Variants in TP53BP2 observed in about 807,000 individuals in gnomAD.
TP53BP2 encodes the protein apoptosis-stimulating of p53 protein 2.
In TP53BP2, 62 loss-of-function variants were observed where a neutral mutation model predicts 126.2. The ratio of observed to expected loss-of-function variants is 0.49; its 90% CI spans 0.40 to 0.61. The LOEUF is 0.61. Among genes scored for constraint, TP53BP2 ranks in the 20% least tolerant of loss-of-function variants. The pLI is 0.00. For synonymous variants in TP53BP2, 485 were observed against 502.9 expected (o/e 0.96, Z 0.48); for missense variants, 1,215 against 1,402.8 (o/e 0.87, Z 2.14).
Position 223,796,051 on chromosome 1 carries a change from G to T in TP53BP2, c.2488C>A (p.Pro830Thr). ...TAATCAAGGCCTGGAGAAGGAGCTGGCATGTCACTGTTCTCTGTACTGGCA... is the reference window on the plus strand; with the variant it reads ...TAATCAAGGCCTGGAGAAGGAGCTGTCATGTCACTGTTCTCTGTACTGGCA... ...GNASTENSDM[P>T]APSPGLDYEP... The change falls in exon 13 of 18, where the codon CCA becomes ACA. Residue 830 changes from proline to threonine, a missense_variant. By Grantham distance (38) the Pro-to-Thr change is conservative. Around this residue, in one of 4 missense-constraint regions of TP53BP2, gnomAD observed 204 missense variants for 225.7 expected, o/e 0.90. Transcript: ENST00000343537. This position sits in a 1 kb window ranked among gnomAD's most constrained non-coding sequence, Gnocchi z 4.2. 2 of 1,614,184 alleles carry T rather than the reference G, an allele frequency of 1.2e-6. No individual in the cohort carries two copies. Among genetic ancestry groups the T allele is most frequent in the South Asian group, 1.1e-5 (1 of 91,074 alleles).
chr1:223,785,921 G>C (rs1357915255), intron 16 of TP53BP2, among the ~76,000 whole-genome samples: 1 of 152,046 alleles, frequency 6.6e-6, no homozygotes, highest in Non-Finnish European at 1.5e-5. Context: ...CTGTGACCTG[G>C]CAAGTCCACT....
rs146024936 is a variant in TP53BP2 at position 223,795,836 on chromosome 1, G to A, written c.2703C>T (p.Thr901=). The change falls in exon 13 of 18, where the codon ACC becomes ACT. Residue 901 remains threonine (T), a synonymous_variant. Transcript: ENST00000343537. ...TTACAGGAGGCAGAGAGACCTGCCC[G>A]GTGATTTCAGGCGGGCGCATGCTCA... ...DSVSMRPPEI[T]GQVSLPPGKR... 1,205 of 1,555,114 alleles carry A rather than the reference G, an allele frequency of 7.7e-4. 7 individuals carry two copies. Among genetic ancestry groups the A allele is most frequent in the Admixed American group, 2.5e-3 (125 of 49,750 alleles).
rs764894026 is a variant in TP53BP2 at position 223,798,297 on chromosome 1, C to T, written c.1866G>A (p.Gln622=). The T allele has an allele frequency of 2.6e-5, 42 of 1,614,086 alleles. No individual in the cohort carries two copies. Among genetic ancestry groups the T allele is most frequent in the Non-Finnish European group, 4.2e-6 (5 of 1,180,038 alleles). ...ASSIYSMYTQ[Q]QAPGKNFQQA... ...GCTGGAAGTTTTTTCCTGGCGCCTG[C>T]TGTTGCGTATACATGGAATATATTG... Residue 622 remains glutamine, a synonymous_variant, in exon 12 of 18, where the codon CAG becomes CAA. Transcript: ENST00000343537.
intron 15 of TP53BP2, among the ~76,000 whole-genome samples, chr1:223,790,189 G>A (rs1440086593): frequency 1.3e-5 from 2 of 151,902 alleles, no homozygotes; most frequent in Non-Finnish European, 2.9e-5. Flanking sequence ...ACAGGAGGTG[G>A]AGGTTGCAGT....
chr1:223,801,991 G>T (rs1662540592), intron 9 of TP53BP2, 125 bp downstream of exon 9: 3 of 963,196 alleles, frequency 3.1e-6, no homozygotes, highest in Admixed American at 5.6e-5. Flanking sequence ...CACCAGCAAA[G>T]AATATAAAAG....
At chr1:223,795,051 C>T (rs1662270835) in intron 13 of TP53BP2, among the ~76,000 whole-genome samples, 1 of 152,182 alleles carries the variant, frequency 6.6e-6, no homozygotes, top group Non-Finnish European at 1.5e-5. Flanking sequence ...AAAAAGCAGA[C>T]TTCATTCAGA....
chr1:223,800,010 C>A lies in TP53BP2; in HGVS notation c.1374G>T (p.Lys458Asn). 1.2e-6 allele frequency: 2 copies of A among 1,611,958 alleles called. No homozygotes were observed. The highest frequency in any genetic ancestry group is 1.7e-6 in the Non-Finnish European group (2 of 1,179,306). Residue 458 changes from lysine to asparagine, a missense_variant, in exon 11 of 18, where the codon AAG (lysine) becomes AAT (asparagine). Coordinates refer to ENST00000343537, the MANE Select transcript of TP53BP2 (RefSeq NM_001031685.3). Reference protein sequence around the residue: ...DGEVPLREKEKKVRPFSMFDA... With the variant: ...DGEVPLREKENKVRPFSMFDA... The stretch of plus-strand genomic sequence containing the variant: ...CAAACATTGAGAACGGACGCACTTT[C>A]TTCTCTTTCTCCCTCAGCGGAACCT...
intron 1 of TP53BP2, among the ~76,000 whole-genome samples, chr1:223,825,546 C>T (rs921386171): frequency 2.6e-5 from 4 of 152,166 alleles, no homozygotes; most frequent in Non-Finnish European, 5.9e-5. Context: ...TGGCATGTAG[C>T]GTGTAGCACA....
At position 223,845,816 on chromosome 1, in the gene TP53BP2, G is replaced by T. The variant is rs1486469037; in HGVS notation, c.-136C>A. ...CGGCGGCGGCAGCGGCGGCGCGCGG[G>T]TCCGAAGGGCCCTCCGCGCGGGCTG... On this transcript the variant is annotated 5_prime_UTR_variant, in exon 1 of 18. Transcript: ENST00000343537. 1 of 735,174 alleles carries T rather than the reference G, an allele frequency of 1.4e-6. No individual in the cohort carries two copies. Among genetic ancestry groups the T allele is most frequent in the Non-Finnish European group, 1.8e-6 (1 of 550,594 alleles). The allele number at this position is 735,174 out of a possible 1,614,324, so 45.5% of individuals were successfully genotyped here.
chr1:223,797,516 A>G (rs1662367541), intron 12 of TP53BP2, among the ~76,000 whole-genome samples: 1 of 151,898 alleles, frequency 6.6e-6, no homozygotes, highest in African/African-American at 2.4e-5. Context: ...AGGTTCAAGC[A>G]ATTCTCCTGC....
chr1:223,800,209 G>T (rs1037696259), intron 10 of TP53BP2, among the ~76,000 whole-genome samples, 162 bp from the exon 11 acceptor site: 2 of 152,088 alleles, frequency 1.3e-5, no homozygotes, highest in Non-Finnish European at 2.9e-5. Context: ...GCACTATAAT[G>T]ATCGTACCTG....
chr1:223,830,850 G>A (rs906746892), intron 1 of TP53BP2, among the ~76,000 whole-genome samples: 4 of 152,206 alleles, frequency 2.6e-5, no homozygotes, highest in African/African-American at 9.7e-5. Flanking sequence ...TGTAATCCCA[G>A]AACTTTGGGA....
In TP53BP2 at chr1:223,842,227, G is replaced by A. The variant is rs527666939; in HGVS notation, c.27+3427C>T. On this transcript the variant is annotated intron_variant, in intron 1 of 17. Transcript: ENST00000343537. ...TGCTGGGATTACAGGCGTAGCCACC[G>A]TGCCCGGCCCAGCTATTATTTTCTT... Among the ~76,000 whole-genome samples the A allele has an allele frequency of 1.5e-4, 23 of 152,272 alleles. No homozygotes were observed. In the South Asian group the frequency reaches 2.9e-3, roughly 19 times the overall value.
chr1:223,807,031 A>G lies in TP53BP2; in HGVS notation c.373-84T>C. 2 of 985,626 alleles carry G rather than the reference A, an allele frequency of 2.0e-6. 1 individual carries two copies. Among genetic ancestry groups the G allele is most frequent in the South Asian group, 3.0e-5 (2 of 66,432 alleles). 61.1% of individuals were successfully genotyped at this position (985,626 alleles called of 1,614,324 possible). On this transcript the variant is annotated intron_variant, in intron 4 of 17. Coordinates refer to ENST00000343537, the MANE Select transcript of TP53BP2 (RefSeq NM_001031685.3). ...TTCCGCCCTCAAAGGTCTATGTAAA[A>G]GCTTCATATGAACCAACTATGACAA...
intron 16 of TP53BP2, among the ~76,000 whole-genome samples, chr1:223,784,820 G>GA (rs1478145969): frequency 6.6e-6 from 1 of 152,092 alleles, no homozygotes; most frequent in Non-Finnish European, 1.5e-5. Flanking sequence ...AAAGACAGAG[G>GA]AAAAAATATA....
chr1:223,807,446 G>A (rs1309801970), intron 4 of TP53BP2, among the ~76,000 whole-genome samples: 1 of 151,986 alleles, frequency 6.6e-6, no homozygotes, highest in South Asian at 2.1e-4. Context: ...TTGTCCTAGA[G>A]GTTCTAGCCA....
At chr1:223,792,267 G>T in intron 15 of TP53BP2, 122 bp downstream of exon 15, 2 of 1,114,646 alleles carry the variant, frequency 1.8e-6, no homozygotes, top group Non-Finnish European at 2.5e-6. Context: ...TCTCCAGCTA[G>T]ATTACAAGCA....
intron 5 of TP53BP2, among the ~76,000 whole-genome samples, chr1:223,806,417 CT>C (rs942619020): frequency 6.6e-6 from 1 of 152,130 alleles, no homozygotes; most frequent in African/African-American, 2.4e-5. Context: ...CAGCAGGTGG[CT>C]TTTGGGTTGA....
At chr1:223,795,017 A>G (rs931546328) in intron 13 of TP53BP2, among the ~76,000 whole-genome samples, 1 of 152,232 alleles carries the variant, frequency 6.6e-6, no homozygotes, top group African/African-American at 2.4e-5. Context: ...TTACTGAAGC[A>G]AAGTGGCTTC....
Sources: allele counts gnomAD v4.1 joint callset (sites outside exome capture counted in the v4.1 genomes callset), GRCh38; gene constraint gnomAD v4.1.1; regional missense constraint gnomAD v4.1.1; non-coding constraint Gnocchi (gnomAD v3.1); transcripts MANE v1.5; gene names NCBI Gene and HGNC (gene_info 2026-07-23, HGNC 2026-07-21).